KCNT1: variants seen among roughly 807,000 people sequenced by gnomAD.
The protein encoded by KCNT1 is potassium sodium-activated channel subfamily T member 1, also known as potassium channel subfamily T member 1.
A neutral mutation model predicts 147.8 loss-of-function variants in KCNT1; 78 were observed. That is an observed-to-expected ratio of 0.53 (90% CI 0.44 to 0.64). The LOEUF (loss-of-function observed/expected upper bound fraction) is 0.64. Among genes scored for constraint, KCNT1 ranks in the 30% least tolerant of loss-of-function variants. The probability of loss-of-function intolerance (pLI) is 0.00; values close to 1 mark genes in which losing one functional copy is unlikely to be tolerated. For missense variants in KCNT1, 1,419 were observed against 1,750.3 expected (o/e 0.81, Z 3.38); for synonymous variants, 867 against 748.8 (o/e 1.16, Z -2.58).
At chr9:135,761,767 G>T (rs919434107) in intron 11 of KCNT1, among the ~76,000 whole-genome samples, 1 of 152,198 alleles carries the variant, frequency 6.6e-6, no homozygotes, top group Non-Finnish European at 1.5e-5. Context: ...AGAAACATCC[G>T]AGAGGCCCCT....
At chr9:135,756,983 C>CCTCCCCCA (rs1564351616) in intron 7 of KCNT1, 51 bp downstream of exon 7, 2 of 976,224 alleles carry the variant, frequency 2.0e-6, no homozygotes, top group African/African-American at 4.4e-5. Context: ...ACCCTCCCCA[C>CCTCCCCCA]CCTCCCCAGC....
At chr9:135,708,330 C>T (rs1835341882) in intron 1 of KCNT1, among the ~76,000 whole-genome samples, 1 of 152,234 alleles carries the variant, frequency 6.6e-6, no homozygotes, top group South Asian at 2.1e-4. Flanking sequence ...CATGCATGCA[C>T]ATATTCGTAC....
intron 1 of KCNT1, among the ~76,000 whole-genome samples, chr9:135,712,006 G>A (rs1043966260): frequency 5.9e-5 from 9 of 152,188 alleles, no homozygotes; most frequent in African/African-American, 1.7e-4. Context: ...GAAGTGACTC[G>A]CCGGGGGCCG....
chr9:135,784,505 CCCTCCCTCCCT>C lies in KCNT1; in HGVS notation c.2944-27_2944-17del. 1.9e-6 allele frequency: 1 copy of C among 515,958 alleles called. No individual in the cohort carries two copies. The highest frequency in any genetic ancestry group is 3.5e-6 in the Non-Finnish European group (1 of 287,454). The allele number at this position is 515,958 out of a possible 1,614,324, so 32.0% of individuals were successfully genotyped here. On this transcript the variant is annotated intron_variant, in intron 25 of 30. Coordinates refer to ENST00000371757, the MANE Select transcript of KCNT1 (RefSeq NM_020822.3). ...TGGCTCCCTCCCTCCCTCCCTCCCT[CCCTCCCTCCCT>C]CCCTCCCTCCCTGGCCAGTCCTTCG...
At chr9:135,708,340 C>CACAT (rs1835342296) in intron 1 of KCNT1, among the ~76,000 whole-genome samples, 1 of 152,248 alleles carries the variant, frequency 6.6e-6, no homozygotes, top group Admixed American at 6.5e-5. Flanking sequence ...CATATTCGTA[C>CACAT]ACATGCCTCT....
chr9:135,774,286 TTG>T (rs564839556), intron 19 of KCNT1, among the ~76,000 whole-genome samples: 8 of 145,808 alleles, frequency 5.5e-5, no homozygotes, highest in South Asian at 2.2e-4. Flanking sequence ...GTGTGGTGTG[TTG>T]TGTGTGGTGT....
chr9:135,774,602 TGTG>T (rs1346290884), intron 19 of KCNT1, among the ~76,000 whole-genome samples: 3 of 151,568 alleles, frequency 2.0e-5, no homozygotes, highest in African/African-American at 2.4e-5. Flanking sequence ...TGGTACGTGT[TGTG>T]TGTTGTGTAT....
Position 135,714,554 on chromosome 9 carries a change from G to T in KCNT1, c.111-23G>T. 8.9e-7 allele frequency: 1 copy of T among 1,118,520 alleles called. No homozygotes were observed. The highest frequency in any genetic ancestry group is 5.2e-5 in the East Asian group (1 of 19,242). The allele number at this position is 1,118,520 out of a possible 1,614,324, so 69.3% of individuals were successfully genotyped here. ...CGCGAGGGCGCCCGACGCGGGCTGA[G>T]GGGCGCTGGCGTGTGCCCGCAGGCG... is the stretch of plus-strand genomic sequence containing the variant. On this transcript the variant is annotated intron_variant, in intron 1 of 30. Coordinates refer to ENST00000371757, the MANE Select transcript of KCNT1 (RefSeq NM_020822.3). This position sits in a 1 kb window ranked among gnomAD's most constrained non-coding sequence, Gnocchi z 6.2.
At chr9:135,765,898 C>T in intron 13 of KCNT1, 138 bp downstream of exon 13, 2 of 841,170 alleles carry the variant, frequency 2.4e-6, no homozygotes, top group South Asian at 1.8e-5. Context: ...CCAGGGTGGA[C>T]CATCTAGGTG....
intron 2 of KCNT1, among the ~76,000 whole-genome samples, chr9:135,721,214 C>A (rs535291317): frequency 1.4e-3 from 215 of 152,298 alleles, no homozygotes; most frequent in Non-Finnish European, 2.4e-3. Context: ...GAAGCCACTC[C>A]GCTCCAGCAC....
intron 6 of KCNT1, among the ~76,000 whole-genome samples, chr9:135,756,003 C>G (rs909537857): frequency 7.4e-5 from 11 of 147,742 alleles, no homozygotes; most frequent in Admixed American, 1.3e-4. Context: ...GACCCAGGGT[C>G]AGTAAATGCT....
chr9:135,768,545 C>T (rs984136185), intron 13 of KCNT1, 65 bp from the exon 14 acceptor site: 402 of 1,365,886 alleles, frequency 2.9e-4, no homozygotes, highest in Non-Finnish European at 3.8e-4. Flanking sequence ...ACCTCACCTC[C>T]GCACCCCCGG....
chr9:135,750,275 G>C (rs1831076088), intron 3 of KCNT1, 98 bp downstream of exon 3: 1 of 1,017,578 alleles, frequency 9.8e-7, no homozygotes, highest in South Asian at 1.3e-5. Flanking sequence ...GTGAGCTCAG[G>C]GAGAGTCCAT....
At chr9:135,747,829 G>A (rs1830923023) in intron 2 of KCNT1, among the ~76,000 whole-genome samples, 2 of 152,090 alleles carry the variant, frequency 1.3e-5, no homozygotes, top group Non-Finnish European at 2.9e-5. Flanking sequence ...GCCCGGTGGG[G>A]TGACAAGCCT....
chr9:135,781,639 T>TAAA (rs5901090), intron 24 of KCNT1, among the ~76,000 whole-genome samples: 26 of 143,960 alleles, frequency 1.8e-4, no homozygotes, highest in African/African-American at 3.3e-4. Context: ...ATACTGAAAG[T>TAAA]AAAAAAAAAA....
chr9:135,783,470 C>T (rs1475741511), intron 24 of KCNT1, among the ~76,000 whole-genome samples: 1 of 152,216 alleles, frequency 6.6e-6, no homozygotes, highest in Admixed American at 6.5e-5. Context: ...ACTCCAGAAA[C>T]GGGAGAGAGG....
At chr9:135,779,223 TGG>T (rs1833419641) in intron 23 of KCNT1, 134 bp from the exon 24 acceptor site, 1 of 464,574 alleles carries the variant, frequency 2.2e-6, no homozygotes, top group African/African-American at 3.4e-5. Context: ...GCCAAGACAG[TGG>T]GCCCTGCCCT....
At chr9:135,781,123 C>T (rs1055365740) in intron 24 of KCNT1, among the ~76,000 whole-genome samples, 5 of 152,228 alleles carry the variant, frequency 3.3e-5, no homozygotes, top group Non-Finnish European at 5.9e-5. Flanking sequence ...GGGGCGGGTG[C>T]GGCCAGCTCT....
Position 135,774,817 on chromosome 9 carries a change from C to A in KCNT1, c.2244-493C>A, listed in dbSNP as rs543045827. 2.0e-5 allele frequency among the ~76,000 whole-genome samples: 3 copies of A among 152,190 alleles called. No individual in the cohort carries two copies. In the East Asian group the frequency reaches 5.8e-4, roughly 29 times the overall value. ...GGGCTGACCATGGGGGGGTCCTGGGCTGACCAGGTGAGGGGTGAGCCCCAC... is the reference window on the plus strand; with the variant it reads ...GGGCTGACCATGGGGGGGTCCTGGGATGACCAGGTGAGGGGTGAGCCCCAC... On this transcript the variant is annotated intron_variant, in intron 19 of 30. Coordinates refer to ENST00000371757, the MANE Select transcript of KCNT1 (RefSeq NM_020822.3).
Sources: allele counts gnomAD v4.1 joint callset (sites outside exome capture counted in the v4.1 genomes callset), GRCh38; gene constraint gnomAD v4.1.1; non-coding constraint Gnocchi (gnomAD v3.1); transcripts MANE v1.5; gene names NCBI Gene and HGNC (gene_info 2026-07-23, HGNC 2026-07-21).